Variants in DPP10 observed in about 807,000 individuals in gnomAD.
DPP10 encodes inactive dipeptidyl peptidase 10.
Under a neutral mutation model 120.9 loss-of-function variants are expected in DPP10, and 33 were observed. That is an observed-to-expected ratio of 0.27 (90% CI 0.21 to 0.37). DPP10 has a LOEUF of 0.37. Ranked by LOEUF, DPP10 falls within the 10% of genes least tolerant of loss-of-function variation. The probability of loss-of-function intolerance (pLI) is 1.00; values close to 1 mark genes in which losing one functional copy is unlikely to be tolerated. For missense variants in DPP10, 816 were observed against 942.8 expected (o/e 0.87, Z 1.76); for synonymous variants, 337 against 326.1 (o/e 1.03, Z -0.36).
At chr2:115,152,169 G>A (rs887037960) in intron 1 of DPP10, among the ~76,000 whole-genome samples, 1 of 152,166 alleles carries the variant, frequency 6.6e-6, no homozygotes, top group Non-Finnish European at 1.5e-5. Context: ...TAAGGTTCAA[G>A]ACAGTAAATA....
intron 5 of DPP10, among the ~76,000 whole-genome samples, chr2:115,685,755 G>A (rs1232287921): frequency 2.0e-5 from 3 of 151,996 alleles, no homozygotes; most frequent in African/African-American, 4.8e-5. Flanking sequence ...AATGAATGTA[G>A]TTAATTTTCA....
chr2:115,738,927 G>T (rs6759527), intron 8 of DPP10, among the ~76,000 whole-genome samples: 73,253 of 151,984 alleles, frequency 0.48, 20,299 homozygotes, highest in East Asian at 0.71. Flanking sequence ...AGGTTAAGGG[G>T]TAGGAAAACC....
chr2:114,479,397 A>G (rs1206153528), intron 1 of DPP10, among the ~76,000 whole-genome samples: 3 of 128,096 alleles, frequency 2.3e-5, no homozygotes, highest in Non-Finnish European at 5.1e-5. Flanking sequence ...AGATACATAG[A>G]TCAATGAAAA....
chr2:115,390,601 C>T (rs1421538998), intron 3 of DPP10, among the ~76,000 whole-genome samples: 1 of 152,028 alleles, frequency 6.6e-6, no homozygotes, highest in Non-Finnish European at 1.5e-5. Context: ...CCAATTTTCC[C>T]TTCAATACTC....
At chr2:114,818,151 T>A (rs898149894) in intron 1 of DPP10, among the ~76,000 whole-genome samples, 1 of 152,198 alleles carries the variant, frequency 6.6e-6, no homozygotes, top group South Asian at 2.1e-4. Flanking sequence ...AAATTTAACA[T>A]ATTCCTGGTA....
At position 115,739,911 on chromosome 2, in the gene DPP10, A is replaced by G; in HGVS notation, c.852+18A>G. The G allele has an allele frequency of 6.2e-7, 1 of 1,611,518 alleles. No homozygotes were observed. Among genetic ancestry groups the G allele is most frequent in the Non-Finnish European group, 8.5e-7 (1 of 1,178,058 alleles). On this transcript the variant is annotated intron_variant, in intron 9 of 25. Coordinates refer to ENST00000410059, the MANE Select transcript of DPP10 (RefSeq NM_020868.6). ...ATCCTAAGGTAAGTAACATGGAAGT[A>G]CTATTTTGTTCCTTCTCTCTCTCTG...
At chr2:114,782,716 G>A (rs957512996) in intron 1 of DPP10, among the ~76,000 whole-genome samples, 1 of 152,062 alleles carries the variant, frequency 6.6e-6, no homozygotes, top group Non-Finnish European at 1.5e-5. Context: ...AGTGACTATA[G>A]TTGCATTTTA....
chr2:115,015,703 T>A (rs12711816), intron 1 of DPP10, among the ~76,000 whole-genome samples: 2 of 151,878 alleles, frequency 1.3e-5, no homozygotes, highest in Admixed American at 6.6e-5. Context: ...TATACACCAA[T>A]AATAGACATA....
At chr2:114,553,712 T>C (rs1295592681) in intron 1 of DPP10, among the ~76,000 whole-genome samples, 2 of 152,170 alleles carry the variant, frequency 1.3e-5, no homozygotes, top group African/African-American at 4.8e-5. Flanking sequence ...AGTAGAAACA[T>C]TTGATTTATT....
intron 1 of DPP10, among the ~76,000 whole-genome samples, chr2:114,922,582 G>A (rs1408807273): frequency 1.3e-5 from 2 of 152,188 alleles, no homozygotes; most frequent in African/African-American, 2.4e-5. Flanking sequence ...AAAGTGTTGG[G>A]ATTACAGGTG....
At chr2:115,064,805 G>A in intron 1 of DPP10, 1 of 1,304,160 alleles carries the variant, frequency 7.7e-7, no homozygotes, top group Non-Finnish European at 1.0e-6. Context: ...GTTCTGAAAA[G>A]GTAAGTGGAT....
chr2:114,795,610 GT>G (rs1360230910), intron 1 of DPP10, among the ~76,000 whole-genome samples: 1 of 151,976 alleles, frequency 6.6e-6, no homozygotes, highest in Admixed American at 6.6e-5. Flanking sequence ...GAACAACAGA[GT>G]TTTGAACTAT....
intron 5 of DPP10, among the ~76,000 whole-genome samples, chr2:115,537,563 G>T (rs74503399): frequency 3.7e-4 from 48 of 128,596 alleles, no homozygotes; most frequent in South Asian, 4.9e-4. Flanking sequence ...ACACATCACT[G>T]TTTTTTTTTT....
chr2:115,000,767 C>T (rs1362424676), intron 1 of DPP10, among the ~76,000 whole-genome samples: 2 of 152,086 alleles, frequency 1.3e-5, no homozygotes, highest in African/African-American at 4.8e-5. Context: ...ATTTAATTTC[C>T]TACCCATATG....
chr2:115,697,323 C>T (rs973578019), intron 7 of DPP10, among the ~76,000 whole-genome samples: 7 of 151,752 alleles, frequency 4.6e-5, no homozygotes, highest in Non-Finnish European at 7.4e-5. Flanking sequence ...CAACTACATA[C>T]GCTCTATAAG....
At chr2:115,258,396 T>G (rs962932649) in intron 1 of DPP10, among the ~76,000 whole-genome samples, 2 of 150,728 alleles carry the variant, frequency 1.3e-5, no homozygotes, top group Non-Finnish European at 2.9e-5. Flanking sequence ...AGAGTTTAAA[T>G]AGCTGATTGA....
At chr2:114,540,795 C>G (rs114856912) in intron 1 of DPP10, among the ~76,000 whole-genome samples, 2,918 of 152,240 alleles carry the variant, frequency 0.019, 95 homozygotes, top group African/African-American at 0.064. Flanking sequence ...TCTTTCAATT[C>G]CCTTGCCTCT....
chr2:115,702,704 G>A (rs2091942023), intron 7 of DPP10, among the ~76,000 whole-genome samples: 1 of 152,018 alleles, frequency 6.6e-6, no homozygotes, highest in Non-Finnish European at 1.5e-5. Context: ...AAGGATTGAG[G>A]GATCAGGGAG....
rs190669856 is a variant in DPP10 at position 115,079,304 on chromosome 2, C to T, written c.61-229935C>T. ...CTGAGGCAGGAGGATGGCGTGAACC[C>T]GGGAGGCGGAGCTTGCAGTGAGCTG... On this transcript the variant is annotated intron_variant, in intron 1 of 25. Coordinates refer to ENST00000410059, the MANE Select transcript of DPP10 (RefSeq NM_020868.6). Among the ~76,000 whole-genome samples, 321 of 150,930 alleles carry T rather than the reference C, an allele frequency of 2.1e-3. 2 individuals carry two copies. Among genetic ancestry groups the T allele is most frequent in the African/African-American group, 7.7e-3 (313 of 40,912 alleles).
Sources: allele counts gnomAD v4.1 joint callset (sites outside exome capture counted in the v4.1 genomes callset), GRCh38; gene constraint gnomAD v4.1.1; transcripts MANE v1.5; gene names NCBI Gene and HGNC (gene_info 2026-07-23, HGNC 2026-07-21).